Variants in PCDH9 observed in about 807,000 individuals in gnomAD.
PCDH9 encodes the protein protocadherin-9.
In PCDH9, 24 loss-of-function variants were observed where a neutral mutation model predicts 70.6. The ratio of observed to expected loss-of-function variants is 0.34; its 90% confidence interval spans 0.25 to 0.48. The LOEUF is 0.48. Ranked by LOEUF, PCDH9 falls within the 20% of genes least tolerant of loss-of-function variation. The pLI, the probability that PCDH9 is intolerant of heterozygous loss-of-function variation, is 0.99. For synonymous variants in PCDH9, 562 were observed against 558.5 expected (o/e 1.01, Z -0.09); for missense variants, 1,281 against 1,503.6 (o/e 0.85, Z 2.45).
At position 66,674,062 on chromosome 13, in the gene PCDH9, C is replaced by A. The variant is rs1025594592; in HGVS notation, c.3139-42651G>T. Among the ~76,000 whole-genome samples the A allele has an allele frequency of 2.0e-5, 3 of 152,088 alleles. No individual in the cohort carries two copies. In the East Asian group the frequency reaches 5.8e-4, roughly 29 times the overall value. ...GATTAAATAAAATTTAATATTAATA[C>A]ATTTATTCACATAAAGAGGGGAGTT... On this transcript the variant is annotated intron_variant, in intron 3 of 4. Coordinates refer to ENST00000377865, the MANE Select transcript of PCDH9 (RefSeq NM_203487.3).
At chr13:66,437,420 A>AAAAAAAAAG in intron 4 of PCDH9, among the ~76,000 whole-genome samples, 1 of 148,092 alleles carries the variant, frequency 6.8e-6, no homozygotes, top group Non-Finnish European at 1.5e-5. Context: ...AAAAAAAAAA[A>AAAAAAAAAG]AAAAAAGGAG....
intron 3 of PCDH9, among the ~76,000 whole-genome samples, chr13:66,900,215 C>T (rs2139590928): frequency 6.6e-6 from 1 of 152,010 alleles, no homozygotes; most frequent in East Asian, 1.9e-4. Context: ...TTCCAGCCCA[C>T]TCATTCCTGT....
intron 3 of PCDH9, among the ~76,000 whole-genome samples, chr13:66,771,437 C>T (rs2079805395): frequency 6.6e-6 from 1 of 152,070 alleles, no homozygotes; most frequent in South Asian, 2.1e-4. Flanking sequence ...AAATAGTTTG[C>T]CATGGTTCCT....
At chr13:66,365,827 T>A (rs1048538036) in intron 4 of PCDH9, among the ~76,000 whole-genome samples, 4 of 152,128 alleles carry the variant, frequency 2.6e-5, no homozygotes, top group Non-Finnish European at 5.9e-5. Flanking sequence ...TAAATGTGAA[T>A]TTTTCTCTTC....
intron 2 of PCDH9, among the ~76,000 whole-genome samples, chr13:67,084,741 G>A (rs1438766042): frequency 6.6e-6 from 1 of 151,436 alleles, no homozygotes; most frequent in African/African-American, 2.4e-5. Flanking sequence ...TGGCTGAGGG[G>A]GGGGATCACG....
At chr13:67,138,693 T>C (rs575536750) in intron 2 of PCDH9, among the ~76,000 whole-genome samples, 1 of 152,314 alleles carries the variant, frequency 6.6e-6, no homozygotes, top group Admixed American at 6.5e-5. Flanking sequence ...TTGTGGAGGG[T>C]ATTTTCATTT....
chr13:66,550,783 T>C (rs554181018), intron 4 of PCDH9, among the ~76,000 whole-genome samples: 85 of 152,284 alleles, frequency 5.6e-4, no homozygotes, highest in South Asian at 1.2e-3. Flanking sequence ...GGAAGAGGGA[T>C]GATGCCAACT....
chr13:66,408,392 A>G lies in PCDH9; in HGVS notation c.3341-103364T>C, dbSNP rs115668406. ...TCCTTAACAGGGATGACAGAACTTA[A>G]ATGTTAGTAAATGTAACATAAAATA... On this transcript the variant is annotated intron_variant, in intron 4 of 4. Transcript: ENST00000377865. Among the ~76,000 whole-genome samples, 507 of 152,326 alleles carry G rather than the reference A, an allele frequency of 3.3e-3. 5 individuals carry two copies. The highest frequency in any genetic ancestry group is 0.011 in the African/African-American group (470 of 41,574).
At chr13:67,094,145 A>G (rs953766531) in intron 2 of PCDH9, among the ~76,000 whole-genome samples, 1 of 152,158 alleles carries the variant, frequency 6.6e-6, no homozygotes, top group African/African-American at 2.4e-5. Context: ...GAGCTTCTGG[A>G]TATTTAGGGG....
At chr13:67,074,280 T>C (rs1263684305) in intron 2 of PCDH9, among the ~76,000 whole-genome samples, 1 of 152,026 alleles carries the variant, frequency 6.6e-6, no homozygotes, top group African/African-American at 2.4e-5. Context: ...CCTTTGTAAA[T>C]GTAAAGAGGG....
At chr13:66,878,733 C>G (rs1291174774) in intron 3 of PCDH9, among the ~76,000 whole-genome samples, 1 of 151,718 alleles carries the variant, frequency 6.6e-6, no homozygotes, top group Non-Finnish European at 1.5e-5. Flanking sequence ...TAAGAGAACT[C>G]TATTTATAAA....
chr13:66,400,939 A>G (rs1957173949), intron 4 of PCDH9, among the ~76,000 whole-genome samples: 1 of 152,224 alleles, frequency 6.6e-6, no homozygotes. Context: ...TCTTACAGAA[A>G]GCAATAAGCA....
chr13:66,604,284 G>T (rs1234536208), intron 4 of PCDH9, among the ~76,000 whole-genome samples: 1 of 151,836 alleles, frequency 6.6e-6, no homozygotes, highest in African/African-American at 2.4e-5. Context: ...AATGCACCTG[G>T]CTGAACATAT....
chr13:66,779,942 G>A (rs2079971191), intron 3 of PCDH9, among the ~76,000 whole-genome samples: 1 of 148,736 alleles, frequency 6.7e-6, no homozygotes, highest in Non-Finnish European at 1.5e-5. Flanking sequence ...TGGTTCCCAA[G>A]GGTGAGAAAA....
intron 2 of PCDH9, among the ~76,000 whole-genome samples, chr13:66,946,041 A>G (rs1357593700): frequency 6.6e-6 from 1 of 152,138 alleles, no homozygotes; most frequent in Non-Finnish European, 1.5e-5. Flanking sequence ...ATGGATGAAA[A>G]TAGCATCAAA....
At chr13:66,766,549 T>A (rs531462516) in intron 3 of PCDH9, among the ~76,000 whole-genome samples, 31 of 150,612 alleles carry the variant, frequency 2.1e-4, no homozygotes, top group Non-Finnish European at 3.6e-4. Context: ...AGTCTACAAA[T>A]CTGAGTTTGG....
chr13:66,513,858 C>A (rs980681813), intron 4 of PCDH9, among the ~76,000 whole-genome samples: 2 of 151,704 alleles, frequency 1.3e-5, no homozygotes, highest in Non-Finnish European at 2.9e-5. Flanking sequence ...CTCTTACTCC[C>A]TTTTCAGACA....
At chr13:67,005,150 A>G (rs1001577312) in intron 2 of PCDH9, among the ~76,000 whole-genome samples, 3 of 151,984 alleles carry the variant, frequency 2.0e-5, no homozygotes, top group Non-Finnish European at 4.4e-5. Context: ...TAAGGCAAGC[A>G]GAATCACGGA....
At chr13:66,317,118 T>A (rs1277051326) in intron 4 of PCDH9, among the ~76,000 whole-genome samples, 1 of 152,162 alleles carries the variant, frequency 6.6e-6, no homozygotes, top group Admixed American at 6.6e-5. Context: ...ATAAGCACCA[T>A]GAAATCACAC....
Sources: gnomAD v4.1 joint callset for allele counts (sites outside exome capture counted in the v4.1 genomes callset) on GRCh38, gnomAD v4.1.1 for gene constraint, MANE v1.5 for transcripts, NCBI Gene and HGNC (gene_info 2026-07-23, HGNC 2026-07-21) for gene names.